The following TENM2 variants were observed in gnomAD, a reference collection of about 807,000 sequenced individuals.
TENM2 encodes the protein teneurin-2.
TENM2 carries 52 observed loss-of-function variants against 245.2 expected under a neutral mutation model. That is an observed-to-expected ratio of 0.21 (90% confidence interval 0.17 to 0.27). The LOEUF (loss-of-function observed/expected upper bound fraction) is 0.27, where lower values mean the gene tolerates loss of function less well. Among genes scored for constraint, TENM2 ranks in the 10% least tolerant of loss-of-function variants. TENM2 has a pLI of 1.00. For missense variants in TENM2, 3,046 were observed against 3,666.8 expected (o/e 0.83, Z 4.37); for synonymous variants, 1,363 against 1,438.9 (o/e 0.95, Z 1.19).
chr5:166,995,155 CAT>C, the TENM2 span, among the ~76,000 whole-genome samples: 1 of 151,988 alleles, frequency 6.6e-6, no homozygotes, highest in Non-Finnish European at 1.5e-5. Context: ...GTAGAAGAAA[CAT>C]GTATTTCTTT....
At chr5:167,577,638 A>C (rs576959340) in intron 2 of TENM2, among the ~76,000 whole-genome samples, 2 of 152,130 alleles carry the variant, frequency 1.3e-5, no homozygotes, top group East Asian at 3.9e-4. Flanking sequence ...TCTGTCTTTA[A>C]ATAAGGAAAG....
rs184354830 is a variant in TENM2 at position 167,467,701 on chromosome 5, G to C, written c.502+92228G>C. Among the ~76,000 whole-genome samples, 484 of 152,138 alleles carry C rather than the reference G, an allele frequency of 3.2e-3. No individual in the cohort carries two copies. The Middle Eastern group carries it at 0.044, about 14-fold the overall frequency. On this transcript the variant is annotated intron_variant, in intron 2 of 28. Coordinates refer to ENST00000518659, the Ensembl canonical transcript of TENM2. ...GATGAAAATAAGAACATATTTTATA[G>C]AACACCGTGATACTGAATAAGCTAA...
intron 2 of TENM2, among the ~76,000 whole-genome samples, chr5:167,576,473 A>G (rs929682405): frequency 6.6e-6 from 1 of 152,148 alleles, no homozygotes; most frequent in African/African-American, 2.4e-5. Context: ...ACCGTTTATG[A>G]TGTTCTATAG....
At chr5:167,439,926 G>A (rs552533187) in intron 2 of TENM2, among the ~76,000 whole-genome samples, 1 of 152,132 alleles carries the variant, frequency 6.6e-6, no homozygotes, top group African/African-American at 2.4e-5. Context: ...TTGCATTATT[G>A]CCAATTCAAA....
At chr5:168,136,387 C>T (rs180836290) in intron 12 of TENM2, among the ~76,000 whole-genome samples, 156 of 152,284 alleles carry the variant, frequency 1.0e-3, no homozygotes, top group South Asian at 1.9e-3. Flanking sequence ...ATTTTACAAG[C>T]TTAGTCCCTT....
chr5:167,146,061 A>G, the TENM2 span, among the ~76,000 whole-genome samples: 7 of 152,124 alleles, frequency 4.6e-5, no homozygotes, highest in African/African-American at 1.7e-4. Context: ...CTGAGTTTAT[A>G]TTGAGACGGG....
chr5:167,297,700 G>C (rs1451038990), intron 1 of TENM2: 1 of 150,252 alleles, frequency 6.7e-6, no homozygotes, highest in Admixed American at 6.6e-5. Context: ...TATTTCACCT[G>C]GGTGCAGGCG....
intron 2 of TENM2, among the ~76,000 whole-genome samples, chr5:167,502,865 T>C (rs1388693764): frequency 6.6e-6 from 1 of 152,176 alleles, no homozygotes; most frequent in Non-Finnish European, 1.5e-5. Flanking sequence ...TTTAACAACC[T>C]TCCAGAATCT....
rs190163996 is a variant in TENM2, at chr5:167,562,202, C to G, written c.502+186729C>G. Among the ~76,000 whole-genome samples, 24 of 152,240 alleles carry G rather than the reference C, an allele frequency of 1.6e-4. 1 individual carries two copies. Among genetic ancestry groups the G allele is most frequent in the Admixed American group, 1.2e-3 (19 of 15,284 alleles). On this transcript the variant is annotated intron_variant, in intron 2 of 28. Transcript: ENST00000518659. ...ATCCATCCGTCTCCTGCATGCTTTG[C>G]TTTTTGGCAATTTTCGTTTTTAGGA...
intron 2 of TENM2, among the ~76,000 whole-genome samples, chr5:167,720,912 T>C (rs1759582324): frequency 6.6e-6 from 1 of 152,228 alleles, no homozygotes; most frequent in South Asian, 2.1e-4. Flanking sequence ...ATGAACTCTA[T>C]GCAGAAGACG....
At chr5:167,852,495 G>GT (rs1182857048) in intron 2 of TENM2, among the ~76,000 whole-genome samples, 3 of 152,018 alleles carry the variant, frequency 2.0e-5, no homozygotes, top group South Asian at 2.1e-4. Context: ...GCTGTAAATT[G>GT]TTTTTTATTA....
chr5:167,384,702 GCGCGCACA>G (rs769871999), intron 2 of TENM2, among the ~76,000 whole-genome samples: 67 of 146,972 alleles, frequency 4.6e-4, no homozygotes, highest in Non-Finnish European at 7.5e-4. Context: ...GCACACGCGT[GCGCGCACA>G]CACGCACACA....
intron 2 of TENM2, among the ~76,000 whole-genome samples, chr5:167,626,585 A>G (rs1778516703): frequency 6.6e-6 from 1 of 152,200 alleles, no homozygotes; most frequent in Non-Finnish European, 1.5e-5. Context: ...GATGTACTCA[A>G]TCATGAGTTC....
At chr5:168,118,686 A>T (rs1795263568) in intron 10 of TENM2, among the ~76,000 whole-genome samples, 200 bp downstream of exon 12, 1 of 152,178 alleles carries the variant, frequency 6.6e-6, no homozygotes, top group South Asian at 2.1e-4. Context: ...TGGTTCTGGA[A>T]GAAACGTTTT....
At chr5:168,228,369 G>C (rs1026952272) in intron 25 of TENM2, among the ~76,000 whole-genome samples, 1 of 152,166 alleles carries the variant, frequency 6.6e-6, no homozygotes. Flanking sequence ...TGGGAAAAAC[G>C]TTCTCCATTT....
chr5:167,904,904 T>C (rs567677177), intron 3 of TENM2, among the ~76,000 whole-genome samples: 1 of 152,198 alleles, frequency 6.6e-6, no homozygotes, highest in African/African-American at 2.4e-5. Flanking sequence ...GGGTCTGTGG[T>C]TGAGTCAAAA....
intron 1 of TENM2, among the ~76,000 whole-genome samples, chr5:167,362,353 T>C (rs1759770205): frequency 6.6e-6 from 1 of 152,204 alleles, no homozygotes; most frequent in African/African-American, 2.4e-5. Flanking sequence ...AAGAATTCTT[T>C]TACAAACAAG....
the TENM2 span, among the ~76,000 whole-genome samples, chr5:167,225,390 T>C: frequency 6.6e-6 from 1 of 152,120 alleles, no homozygotes; most frequent in Non-Finnish European, 1.5e-5. Context: ...TTGTGTTTTG[T>C]CAAATGCTTT....
intron 25 of TENM2, 71 bp downstream of exon 27, chr5:168,228,201 A>G (rs1463030808): frequency 7.7e-7 from 1 of 1,292,174 alleles, no homozygotes; most frequent in Non-Finnish European, 1.1e-6. Flanking sequence ...GAGCTGAGAA[A>G]GTTTCTCTGT....
Sources: allele counts gnomAD v4.1 joint callset (sites outside exome capture counted in the v4.1 genomes callset), GRCh38; gene constraint gnomAD v4.1.1; transcripts MANE v1.5; gene names NCBI Gene and HGNC (gene_info 2026-07-23, HGNC 2026-07-21).